The following ARHGAP12 variants were observed in gnomAD, a reference collection of about 807,000 sequenced individuals.
The protein encoded by ARHGAP12 is Rho GTPase activating protein 12.
Under a neutral mutation model 108.6 loss-of-function variants are expected in ARHGAP12, and 64 were observed. That is an observed-to-expected ratio of 0.59 (90% CI 0.48 to 0.73). The LOEUF (loss-of-function observed/expected upper bound fraction) is 0.73, where lower values mean the gene tolerates loss of function less well. ARHGAP12 is among the 30% of genes least tolerant of loss of function. The probability of loss-of-function intolerance (pLI) is 0.00; values close to 1 mark genes in which losing one functional copy is unlikely to be tolerated. For missense variants in ARHGAP12, 940 were observed against 1,005.9 expected (o/e 0.93, Z 0.89); for synonymous variants, 312 against 337.2 (o/e 0.93, Z 0.82).
intron 1 of ARHGAP12, among the ~76,000 whole-genome samples, chr10:31,916,120 T>C (rs1025027061): frequency 2.0e-5 from 3 of 152,182 alleles, no homozygotes; most frequent in Non-Finnish European, 2.9e-5. Flanking sequence ...GGAACTGAAA[T>C]GTATTCTATA....
At chr10:31,829,231 C>A (rs1592262524) in intron 10 of ARHGAP12, among the ~76,000 whole-genome samples, 2 of 152,146 alleles carry the variant, frequency 1.3e-5, no homozygotes, top group South Asian at 4.2e-4. Flanking sequence ...CAAAATAAAC[C>A]AGTCACAAAA....
rs536379026 is a variant in ARHGAP12, at chr10:31,901,000, G to C, written c.684+7172C>G. On this transcript the variant is annotated intron_variant, in intron 3 of 19. Transcript: ENST00000344936. The stretch of plus-strand genomic sequence containing the variant: ...AGAGGCTGAGGCGGGCTGATCACTT[G>C]AGGTCAGGAGATTGACACTGGCCTT... 6.6e-5 allele frequency among the ~76,000 whole-genome samples: 10 copies of C among 152,234 alleles called. No individual in the cohort carries two copies. In the East Asian group the frequency reaches 1.2e-3, roughly 18 times the overall value.
chr10:31,866,542 C>T (rs962034739), intron 3 of ARHGAP12, among the ~76,000 whole-genome samples: 1 of 151,640 alleles, frequency 6.6e-6, no homozygotes, highest in African/African-American at 2.4e-5. Flanking sequence ...ACAGGACAAA[C>T]ACTGGGAATA....
intron 6 of ARHGAP12, among the ~76,000 whole-genome samples, chr10:31,844,745 T>G (rs1836389580): frequency 6.6e-6 from 1 of 151,456 alleles, no homozygotes; most frequent in Non-Finnish European, 1.5e-5. Context: ...ACCCCATTGA[T>G]TTGTAATGCC....
chr10:31,820,931 G>C (rs1835393663), intron 11 of ARHGAP12, among the ~76,000 whole-genome samples: 1 of 151,834 alleles, frequency 6.6e-6, no homozygotes, highest in Non-Finnish European at 1.5e-5. Flanking sequence ...TGGCAGTTCT[G>C]TATCTTGGAA....
At chr10:31,895,527 C>A (rs1271927860) in intron 3 of ARHGAP12, among the ~76,000 whole-genome samples, 1 of 152,142 alleles carries the variant, frequency 6.6e-6, no homozygotes, top group East Asian at 1.9e-4. Flanking sequence ...AAATGCAAAT[C>A]AAAACCATAA....
At chr10:31,836,526 T>A (rs1292089106) in intron 9 of ARHGAP12, among the ~76,000 whole-genome samples, 10 of 152,208 alleles carry the variant, frequency 6.6e-5, no homozygotes, top group Admixed American at 6.5e-4. Context: ...GACGAAATTT[T>A]AAATCTGGTG....
intron 7 of ARHGAP12, 35 bp from the exon 8 acceptor site, chr10:31,839,746 T>G (rs746035687): frequency 6.7e-7 from 1 of 1,502,468 alleles, no homozygotes; most frequent in South Asian, 1.2e-5. Flanking sequence ...AGTTACTCTA[T>G]TTTATATAAT....
intron 10 of ARHGAP12, among the ~76,000 whole-genome samples, chr10:31,830,830 A>C (rs1024858754): frequency 7.9e-5 from 12 of 152,234 alleles, no homozygotes; most frequent in Non-Finnish European, 1.8e-4. Flanking sequence ...ATTAAAAAGG[A>C]ATGCAAATAA....
In ARHGAP12 at chr10:31,812,707, C is replaced by T. The variant is rs1482269032; in HGVS notation, c.1951G>A (p.Asp651Asn). 6.3e-7 allele frequency: 1 copy of T among 1,583,756 alleles called. No homozygotes were observed. The highest frequency in any genetic ancestry group is 1.7e-5 in the Admixed American group (1 of 58,264). ...QAVREKGYIK[D>N]QVFGSNLANL... ...TATCAACAATACTTCTCCTACCAAC[C>T]TTTAATATAACCTTTTTCACGAACA... Residue 651 changes from aspartate to asparagine, a missense_variant and splice_region_variant, in exon 15 of 20, where the codon GAT (aspartate) becomes AAT (asparagine). Transcript: ENST00000344936.
intron 1 of ARHGAP12, among the ~76,000 whole-genome samples, chr10:31,919,426 T>C (rs1324843584): frequency 1.3e-5 from 2 of 152,212 alleles, no homozygotes; most frequent in Admixed American, 1.3e-4. Context: ...ACAATTTAAA[T>C]CACCTTATAC....
chr10:31,901,197 C>T (rs1461456641), intron 3 of ARHGAP12, among the ~76,000 whole-genome samples: 1 of 137,578 alleles, frequency 7.3e-6, no homozygotes. Flanking sequence ...CTCTGGGTGA[C>T]AGCAAGAATC....
chr10:31,851,645 C>T (rs936537389), intron 6 of ARHGAP12, among the ~76,000 whole-genome samples: 2 of 152,072 alleles, frequency 1.3e-5, no homozygotes, highest in African/African-American at 4.8e-5. Context: ...TAATGAAAGG[C>T]CAGATAGCAT....
At chr10:31,848,483 C>T (rs1836546980) in intron 6 of ARHGAP12, among the ~76,000 whole-genome samples, 1 of 152,104 alleles carries the variant, frequency 6.6e-6, no homozygotes, top group Non-Finnish European at 1.5e-5. Flanking sequence ...TTCCTCCATT[C>T]TCTTCTTTTG....
intron 1 of ARHGAP12, among the ~76,000 whole-genome samples, chr10:31,924,168 C>A (rs754220696): frequency 2.6e-5 from 4 of 152,162 alleles, no homozygotes; most frequent in Non-Finnish European, 4.4e-5. Context: ...GTTAAACATA[C>A]GCTTACTACA....
intron 1 of ARHGAP12, among the ~76,000 whole-genome samples, chr10:31,912,226 TAAGA>T (rs1234400786): frequency 6.6e-6 from 1 of 152,234 alleles, no homozygotes; most frequent in Non-Finnish European, 1.5e-5. Flanking sequence ...TAAAATAACT[TAAGA>T]AATATCTTTG....
Position 31,839,668 on chromosome 10 carries a change from G to T in ARHGAP12, c.1340C>A (p.Ser447Tyr). The change falls in exon 8 of 20, where the codon TCT (serine) becomes TAT (tyrosine). Residue 447 changes from serine (S) to tyrosine (Y), a missense_variant. Ser to Tyr is a moderately radical substitution (Grantham distance 144). Transcript: ENST00000344936. Reference sequence around the variant, plus strand: ...TTGGTGCTTTGGTGAGGAGGGAGAAGACTCATTTTCAGGAAAGCAGGGTTT... The same window carrying T: ...TTGGTGCTTTGGTGAGGAGGGAGAATACTCATTTTCAGGAAAGCAGGGTTT... ...ASKPCFPENESSPSSPKHQDT... is the reference protein window; with the variant it reads ...ASKPCFPENEYSPSSPKHQDT... 1 of 1,608,814 alleles carries T rather than the reference G, an allele frequency of 6.2e-7. No individual in the cohort carries two copies. The highest frequency in any genetic ancestry group is 8.5e-7 in the Non-Finnish European group (1 of 1,176,580).
intron 7 of ARHGAP12, 23 bp downstream of exon 7, chr10:31,843,438 G>A: frequency 6.2e-7 from 1 of 1,604,304 alleles, no homozygotes; most frequent in South Asian, 1.1e-5. Flanking sequence ...CAAAGAACTT[G>A]CCAAAAATCT....
chr10:31,924,298 T>C (rs925451385), intron 1 of ARHGAP12, among the ~76,000 whole-genome samples: 1 of 152,212 alleles, frequency 6.6e-6, no homozygotes, highest in African/African-American at 2.4e-5. Context: ...GCCTATGAAC[T>C]TGTGAATACA....
Sources: allele counts gnomAD v4.1 joint callset (sites outside exome capture counted in the v4.1 genomes callset), GRCh38; gene constraint gnomAD v4.1.1; transcripts MANE v1.5; gene names NCBI Gene and HGNC (gene_info 2026-07-23, HGNC 2026-07-21).